DNAJC1: variants seen among roughly 807,000 people sequenced by gnomAD.
DNAJC1 encodes DnaJ heat shock protein family (Hsp40) member C1.
A neutral mutation model predicts 76.6 loss-of-function variants in DNAJC1; 58 were observed. The observed-to-expected ratio is 0.76, with a 90% confidence interval of 0.61 to 0.94. The LOEUF (loss-of-function observed/expected upper bound fraction) is 0.94, where lower values mean the gene tolerates loss of function less well. Ranked by LOEUF, DNAJC1 falls within the 40% of genes least tolerant of loss-of-function variation. The pLI is 0.00. For synonymous variants in DNAJC1, 258 were observed against 267.9 expected, an observed-to-expected ratio of 0.96 and a Z score of 0.36; for missense variants, 689 against 677.3, an observed-to-expected ratio of 1.02 and a Z score of -0.19.
intron 6 of DNAJC1, among the ~76,000 whole-genome samples, chr10:21,907,450 T>G (rs1013007618): frequency 6.6e-6 from 1 of 152,166 alleles, no homozygotes; most frequent in Non-Finnish European, 1.5e-5. Context: ...CAACCATCCC[T>G]GTGTATAGTT....
chr10:21,821,221 C>CAG (rs371994834), intron 8 of DNAJC1, among the ~76,000 whole-genome samples: 6 of 151,556 alleles, frequency 4.0e-5, no homozygotes, highest in East Asian at 1.9e-4. Flanking sequence ...GGCAGGAGGT[C>CAG]AGAGAGAGAG....
Position 21,928,489 on chromosome 10 carries a change from C to T in DNAJC1, c.371+17G>A. ...AAACTATAACATCTTAATTCAAAAG[C>T]AGAAATGAACACTCACCTCTGCCTT... is the stretch of plus-strand genomic sequence containing the variant. On this transcript the variant is annotated intron_variant, in intron 3 of 11. Coordinates refer to ENST00000376980, the MANE Select transcript of DNAJC1 (RefSeq NM_022365.4). The T allele has an allele frequency of 1.2e-6, 2 of 1,608,566 alleles. No homozygotes were observed. Among genetic ancestry groups the T allele is most frequent in the Non-Finnish European group, 1.7e-6 (2 of 1,176,312 alleles).
At chr10:21,844,462 A>C (rs1364874648) in intron 8 of DNAJC1, among the ~76,000 whole-genome samples, 1 of 152,136 alleles carries the variant, frequency 6.6e-6, no homozygotes, top group Non-Finnish European at 1.5e-5. Context: ...TTATGTAAGG[A>C]GACATGAATA....
chr10:21,840,465 A>C (rs1045915745), intron 8 of DNAJC1, among the ~76,000 whole-genome samples: 1 of 152,204 alleles, frequency 6.6e-6, no homozygotes, highest in African/African-American at 2.4e-5. Context: ...ATAACAGACA[A>C]ACACAGAGCC....
intron 8 of DNAJC1, among the ~76,000 whole-genome samples, chr10:21,870,090 A>G (rs895406629): frequency 2.0e-5 from 3 of 152,030 alleles, no homozygotes; most frequent in Non-Finnish European, 4.4e-5. Context: ...ACAAAGAATA[A>G]TATTTCATAG....
chr10:21,822,463 GAATA>G (rs1287566836), intron 8 of DNAJC1, among the ~76,000 whole-genome samples: 1 of 1,614 alleles, frequency 6.2e-4, no homozygotes, highest in East Asian at 0.042. Flanking sequence ...ATAAATAAAT[GAATA>G]ATAAAATAAA....
At chr10:21,929,721 C>G (rs1163105129) in intron 1 of DNAJC1, among the ~76,000 whole-genome samples, 1 of 152,112 alleles carries the variant, frequency 6.6e-6, no homozygotes, top group African/African-American at 2.4e-5. Flanking sequence ...TACTTATTTA[C>G]TTAGTACTTT....
chr10:21,807,332 T>C (rs1834894771), intron 8 of DNAJC1, among the ~76,000 whole-genome samples: 1 of 152,146 alleles, frequency 6.6e-6, no homozygotes, highest in African/African-American at 2.4e-5. Context: ...TCCCTGACAC[T>C]AATCCTCCCT....
chr10:21,902,063 T>A (rs565444538), intron 7 of DNAJC1, among the ~76,000 whole-genome samples: 12 of 152,248 alleles, frequency 7.9e-5, no homozygotes, highest in Non-Finnish European at 1.3e-4. Context: ...TTAACATTCT[T>A]AATGTTGATA....
At chr10:21,963,836 C>G (rs954725149) in intron 1 of DNAJC1, among the ~76,000 whole-genome samples, 4 of 152,060 alleles carry the variant, frequency 2.6e-5, no homozygotes, top group Middle Eastern at 3.4e-3. Context: ...TTATCAGGGT[C>G]TTTTTGCTTT....
intron 1 of DNAJC1, among the ~76,000 whole-genome samples, chr10:21,989,307 C>T (rs1438557749): frequency 1.3e-5 from 2 of 152,074 alleles, no homozygotes; most frequent in African/African-American, 4.8e-5. Context: ...GGACTTCCTC[C>T]GAAACCCCAT....
At chr10:21,908,183 TAAAAATATATATTATATATA>T (rs1564823945) in intron 6 of DNAJC1, among the ~76,000 whole-genome samples, 1 of 105,940 alleles carries the variant, frequency 9.4e-6, no homozygotes, top group Non-Finnish European at 1.8e-5. Flanking sequence ...ATATAATATA[TAAAAATATATATTATATATA>T]TAAAATATAT....
intron 1 of DNAJC1, among the ~76,000 whole-genome samples, chr10:21,985,310 C>A (rs1391325698): frequency 4.0e-5 from 6 of 148,230 alleles, no homozygotes; most frequent in Non-Finnish European, 5.9e-5. Context: ...AGTGCAGGGG[C>A]ACGATCTTGG....
In DNAJC1 at chr10:21,919,060, A is replaced by G. The variant is rs1300667922; in HGVS notation, c.636-188T>C. ...CTCCATCATGAAATACAGTAGTCAC[A>G]ACAAATGCAATATATATAGCATGTA... is the stretch of plus-strand genomic sequence containing the variant. On this transcript the variant is annotated intron_variant, in intron 5 of 11. Transcript: ENST00000376980. 2.6e-4 allele frequency among the ~76,000 whole-genome samples: 40 copies of G among 152,066 alleles called. 1 individual carries two copies. The highest frequency in any genetic ancestry group is 2.6e-3 in the Admixed American group (40 of 15,278).
intron 1 of DNAJC1, among the ~76,000 whole-genome samples, chr10:21,981,506 A>G (rs977265404): frequency 6.6e-6 from 1 of 152,156 alleles, no homozygotes; most frequent in African/African-American, 2.4e-5. Context: ...GTAAGAAACA[A>G]TTACAAAATA....
At chr10:21,960,499 C>T (rs1216437591) in intron 1 of DNAJC1, among the ~76,000 whole-genome samples, 2 of 152,050 alleles carry the variant, frequency 1.3e-5, no homozygotes, top group Non-Finnish European at 2.9e-5. Context: ...ATTACTTGAG[C>T]CCAGGAGTTA....
At chr10:21,794,284 A>AAAG (rs1554886622) in intron 9 of DNAJC1, among the ~76,000 whole-genome samples, 1 of 149,516 alleles carries the variant, frequency 6.7e-6, no homozygotes, top group African/African-American at 2.5e-5. Flanking sequence ...AAAAAAAAAA[A>AAAG]AGAGAGAGAG....
intron 1 of DNAJC1, among the ~76,000 whole-genome samples, chr10:21,937,443 A>T (rs1447601803): frequency 1.3e-5 from 2 of 152,136 alleles, no homozygotes. Flanking sequence ...ATAAACATGC[A>T]CCTAACAGAG....
intron 7 of DNAJC1, among the ~76,000 whole-genome samples, chr10:21,890,858 T>C (rs1443243493): frequency 6.6e-6 from 1 of 152,150 alleles, no homozygotes; most frequent in Admixed American, 6.5e-5. Context: ...TCAATTTGAA[T>C]GACAAAAGGT....
Sources: gnomAD v4.1 joint callset for allele counts (sites outside exome capture counted in the v4.1 genomes callset) on GRCh38, gnomAD v4.1.1 for gene constraint, MANE v1.5 for transcripts, NCBI Gene and HGNC (gene_info 2026-07-23, HGNC 2026-07-21) for gene names.